SLC10A7: variants seen among roughly 807,000 people sequenced by gnomAD.
SLC10A7 encodes the protein solute carrier family 10 member 7.
A neutral mutation model predicts 43.2 loss-of-function variants in SLC10A7; 29 were observed. The observed-to-expected ratio is 0.67, with a 90% CI of 0.50 to 0.92. The LOEUF (loss-of-function observed/expected upper bound fraction) is 0.92. Ranked by LOEUF, SLC10A7 falls within the 40% of genes least tolerant of loss-of-function variation. SLC10A7 has a pLI of 0.00. For synonymous variants in SLC10A7, 152 were observed against 144.8 expected, an observed-to-expected ratio of 1.05 and a Z score of -0.35; for missense variants, 295 against 403.2, an observed-to-expected ratio of 0.73 and a Z score of 2.30.
At chr4:146,339,365 T>C (rs1346016126) in intron 5 of SLC10A7, among the ~76,000 whole-genome samples, 3 of 151,934 alleles carry the variant, frequency 2.0e-5, no homozygotes, top group African/African-American at 7.2e-5. Flanking sequence ...ACACAATGAA[T>C]GGAGACATCT....
chr4:146,394,613 C>T (rs1004672609), intron 5 of SLC10A7, among the ~76,000 whole-genome samples: 3 of 152,216 alleles, frequency 2.0e-5, no homozygotes, highest in South Asian at 2.1e-4. Context: ...TCATCCGCCT[C>T]GGCCTCCCAA....
chr4:146,385,038 C>A (rs1737893299), intron 5 of SLC10A7, among the ~76,000 whole-genome samples: 1 of 152,056 alleles, frequency 6.6e-6, no homozygotes, highest in Admixed American at 6.6e-5. Flanking sequence ...ATATGGCAAA[C>A]AATTAAGCCA....
chr4:146,476,433 C>T (rs1386742921), intron 4 of SLC10A7, among the ~76,000 whole-genome samples: 4 of 152,046 alleles, frequency 2.6e-5, no homozygotes, highest in Middle Eastern at 3.2e-3. Flanking sequence ...AAAGACAAAA[C>T]GAGGCGTTAC....
intron 4 of SLC10A7, among the ~76,000 whole-genome samples, chr4:146,459,733 G>A (rs1361167304): frequency 6.6e-6 from 1 of 151,600 alleles, no homozygotes; most frequent in Non-Finnish European, 1.5e-5. Context: ...AACACTTAAA[G>A]AACATCTTTG....
intron 6 of SLC10A7, among the ~76,000 whole-genome samples, chr4:146,314,333 T>G (rs995071490): frequency 1.8e-4 from 27 of 152,124 alleles, no homozygotes; most frequent in African/African-American, 6.3e-4. Context: ...GGAAACTAAT[T>G]GGAGAGACAG....
chr4:146,337,441 T>C (rs550384621), intron 5 of SLC10A7, among the ~76,000 whole-genome samples: 5 of 152,122 alleles, frequency 3.3e-5, no homozygotes, highest in African/African-American at 1.2e-4. Flanking sequence ...CACAGCTCTC[T>C]TAAAATGTCA....
intron 5 of SLC10A7, among the ~76,000 whole-genome samples, chr4:146,419,099 G>C (rs982145465): frequency 6.6e-6 from 1 of 152,184 alleles, no homozygotes; most frequent in African/African-American, 2.4e-5. Context: ...CTTGCATTTG[G>C]CTATCAGCAA....
At chr4:146,424,602 T>C (rs971493612) in intron 5 of SLC10A7, among the ~76,000 whole-genome samples, 3 of 151,620 alleles carry the variant, frequency 2.0e-5, no homozygotes, top group Non-Finnish European at 2.9e-5. Flanking sequence ...AGAGGTTACA[T>C]TGAGCCAAGA....
At chr4:146,443,428 C>T (rs1579199676) in intron 4 of SLC10A7, among the ~76,000 whole-genome samples, 1 of 152,096 alleles carries the variant, frequency 6.6e-6, no homozygotes, top group East Asian at 1.9e-4. Context: ...TCTCTGCTTA[C>T]CTAAATATCC....
At chr4:146,290,508 C>T (rs1039343725) in intron 9 of SLC10A7, among the ~76,000 whole-genome samples, 11 of 151,894 alleles carry the variant, frequency 7.2e-5, no homozygotes, top group African/African-American at 2.7e-4. Flanking sequence ...AATGTTCAAG[C>T]TATATGCTGT....
At chr4:146,468,471 T>C (rs576132233) in intron 4 of SLC10A7, among the ~76,000 whole-genome samples, 1 of 97,676 alleles carries the variant, frequency 1.0e-5, no homozygotes, top group Admixed American at 1.3e-4. Context: ...ACTTATATTT[T>C]AATTTTTTTT....
At chr4:146,483,336 A>G (rs1367954767) in intron 4 of SLC10A7, among the ~76,000 whole-genome samples, 1 of 152,204 alleles carries the variant, frequency 6.6e-6, no homozygotes. Context: ...TTAAAAACAT[A>G]AATGGGGTAA....
At chr4:146,322,753 G>A (rs1732814046) in intron 6 of SLC10A7, among the ~76,000 whole-genome samples, 3 of 152,056 alleles carry the variant, frequency 2.0e-5, no homozygotes, top group Admixed American at 2.0e-4. Flanking sequence ...GGGATGGCTG[G>A]GTCAAATGGT....
Position 146,286,682 on chromosome 4 carries a change from G to A in SLC10A7, c.774-3417C>T, listed in dbSNP as rs528103888. Among the ~76,000 whole-genome samples the A allele has an allele frequency of 6.7e-4, 100 of 149,944 alleles. 1 individual carries two copies. Among genetic ancestry groups the A allele is most frequent in the African/African-American group, 2.3e-3 (91 of 40,160 alleles). On this transcript the variant is annotated intron_variant, in intron 9 of 11. Transcript: ENST00000335472. ...TGGAGTGGTGAGAAGGACCGTGTCTGGAGTGGTGAGGAGGACTGTGTCTGG... is the reference window on the plus strand; with the variant it reads ...TGGAGTGGTGAGAAGGACCGTGTCTAGAGTGGTGAGGAGGACTGTGTCTGG...
intron 4 of SLC10A7, among the ~76,000 whole-genome samples, chr4:146,452,915 A>C (rs1412741563): frequency 6.6e-6 from 1 of 152,010 alleles, no homozygotes; most frequent in Non-Finnish European, 1.5e-5. Flanking sequence ...GCTGCAAAGC[A>C]TTCACCAATT....
At chr4:146,411,233 G>T (rs973282125) in intron 5 of SLC10A7, among the ~76,000 whole-genome samples, 1 of 152,032 alleles carries the variant, frequency 6.6e-6, no homozygotes, top group African/African-American at 2.4e-5. Context: ...CCAAAAGCAG[G>T]TATTTTTATA....
chr4:146,283,334 G>A (rs1197659418), intron 9 of SLC10A7, 69 bp from the exon 10 acceptor site: 1 of 1,177,288 alleles, frequency 8.5e-7, no homozygotes, highest in African/African-American at 1.5e-5. Flanking sequence ...AAAATCAAAT[G>A]TAGTACCTAC....
intron 4 of SLC10A7, among the ~76,000 whole-genome samples, chr4:146,474,560 T>C (rs562552639): frequency 6.6e-6 from 1 of 152,146 alleles, no homozygotes; most frequent in Non-Finnish European, 1.5e-5. Context: ...AATCTAGTTA[T>C]GCCATCACTA....
At chr4:146,478,104 T>C (rs1560947715) in intron 4 of SLC10A7, 1 of 152,210 alleles carries the variant, frequency 6.6e-6, no homozygotes. Context: ...TCTCAGACTG[T>C]TAATAATGGG....
Sources: gnomAD v4.1 joint callset for allele counts (sites outside exome capture counted in the v4.1 genomes callset) on GRCh38, gnomAD v4.1.1 for gene constraint, MANE v1.5 for transcripts, NCBI Gene and HGNC (gene_info 2026-07-23, HGNC 2026-07-21) for gene names.